METTL16: variants seen among roughly 807,000 people sequenced by gnomAD.
METTL16 encodes the protein RNA N(6)-adenosine-methyltransferase METTL16.
Under a neutral mutation model 57.9 loss-of-function variants are expected in METTL16, and 19 were observed. The ratio of observed to expected loss-of-function variants is 0.33; its 90% CI spans 0.23 to 0.48. The LOEUF (loss-of-function observed/expected upper bound fraction) is 0.48. Among genes scored for constraint, METTL16 ranks in the 20% least tolerant of loss-of-function variants. METTL16 has a pLI of 0.99. For synonymous variants in METTL16, 246 were observed against 255.6 expected (o/e 0.96, Z 0.36); for missense variants, 434 against 691.5 (o/e 0.63, Z 4.18).
rs567978895 is a variant in METTL16 at position 2,485,547 on chromosome 17, T to G, written c.129-7662A>C. 1.1e-4 allele frequency among the ~76,000 whole-genome samples: 16 copies of G among 152,314 alleles called. No homozygotes were observed. The South Asian group carries it at 3.1e-3, about 30-fold the overall frequency. ...GAATTGTAAAGAAAGTTGGGGTACTTGGCTACTCTACTTTTAAAAGTGAAA... is the reference window on the plus strand; with the variant it reads ...GAATTGTAAAGAAAGTTGGGGTACTGGGCTACTCTACTTTTAAAAGTGAAA... On this transcript the variant is annotated intron_variant, in intron 2 of 9. Transcript: ENST00000263092.
intron 6 of METTL16, among the ~76,000 whole-genome samples, chr17:2,454,286 A>G (rs1382171363): frequency 6.6e-6 from 1 of 152,156 alleles, no homozygotes; most frequent in Non-Finnish European, 1.5e-5. Flanking sequence ...GAAAAACAGG[A>G]AAGCAGAGGT....
chr17:2,482,454 A>G (rs973778460), intron 2 of METTL16, among the ~76,000 whole-genome samples: 1 of 152,212 alleles, frequency 6.6e-6, no homozygotes, highest in African/African-American at 2.4e-5. Context: ...GCTACATAAT[A>G]AAATGTAAGT....
Position 2,444,888 on chromosome 17 carries a change from G to A in METTL16, c.729-3329C>T, listed in dbSNP as rs1055082158. Among the ~76,000 whole-genome samples the A allele has an allele frequency of 2.6e-5, 4 of 151,878 alleles. No individual in the cohort carries two copies. In the East Asian group the frequency reaches 7.7e-4, roughly 29 times the overall value. ...CCTCCACCACTCCCAGCTAATTTTTGTATTTTTAGTAGTGACAGGGTTTCA... is the reference window on the plus strand; with the variant it reads ...CCTCCACCACTCCCAGCTAATTTTTATATTTTTAGTAGTGACAGGGTTTCA... On this transcript the variant is annotated intron_variant, in intron 6 of 9. Coordinates refer to ENST00000263092, the MANE Select transcript of METTL16 (RefSeq NM_024086.4).
intron 6 of METTL16, among the ~76,000 whole-genome samples, chr17:2,461,938 G>T (rs1285850114): frequency 6.6e-6 from 1 of 152,112 alleles, no homozygotes; most frequent in Admixed American, 6.6e-5. Context: ...AGACAGAAAA[G>T]AGGACAATAC....
At chr17:2,423,542 G>C (rs145787103) in intron 8 of METTL16, among the ~76,000 whole-genome samples, 1 of 152,080 alleles carries the variant, frequency 6.6e-6, no homozygotes, top group Non-Finnish European at 1.5e-5. Flanking sequence ...GTATTAAGCC[G>C]GTGTGTGGGA....
intron 1 of METTL16, among the ~76,000 whole-genome samples, chr17:2,507,775 T>C (rs866499388): frequency 2.0e-5 from 3 of 152,234 alleles, no homozygotes; most frequent in Non-Finnish European, 2.9e-5. Flanking sequence ...CATTTTGTTC[T>C]GTACTAAGAA....
chr17:2,428,983 C>T (rs903295688), intron 8 of METTL16, among the ~76,000 whole-genome samples: 2 of 151,940 alleles, frequency 1.3e-5, no homozygotes, highest in South Asian at 2.1e-4. Flanking sequence ...CTCAGCCTCC[C>T]GAGTAGCTGG....
At chr17:2,423,636 G>A (rs1165042744) in intron 8 of METTL16, among the ~76,000 whole-genome samples, 5 of 151,946 alleles carry the variant, frequency 3.3e-5, no homozygotes, top group Admixed American at 1.3e-4. Context: ...CTGCAACCTG[G>A]CCCTCCCTGC....
chr17:2,468,344 A>G lies in METTL16; in HGVS notation c.470-468T>C, dbSNP rs143095996. ...TATAGGCTGCATTTTAAGGACACTC[A>G]AATAGCTTCATGGAGAGATCCACAT... On this transcript the variant is annotated intron_variant, in intron 4 of 9. Coordinates refer to ENST00000263092, the MANE Select transcript of METTL16 (RefSeq NM_024086.4). Among the ~76,000 whole-genome samples, 899 of 152,310 alleles carry G rather than the reference A, an allele frequency of 5.9e-3. 4 individuals carry two copies. The highest frequency in any genetic ancestry group is 9.0e-3 in the Non-Finnish European group (613 of 68,012).
intron 5 of METTL16, among the ~76,000 whole-genome samples, chr17:2,467,334 C>T (rs1032440425): frequency 1.3e-5 from 2 of 152,120 alleles, no homozygotes; most frequent in African/African-American, 2.4e-5. Flanking sequence ...AGCAACACAG[C>T]GAGACCTCAT....
intron 6 of METTL16, among the ~76,000 whole-genome samples, chr17:2,459,669 G>A (rs2067135327): frequency 6.6e-6 from 1 of 152,178 alleles, no homozygotes; most frequent in South Asian, 2.1e-4. Context: ...TGAAATGTGA[G>A]TCACACGGTT....
intron 7 of METTL16, among the ~76,000 whole-genome samples, chr17:2,438,601 A>G (rs2066924970): frequency 6.6e-6 from 1 of 152,092 alleles, no homozygotes; most frequent in Non-Finnish European, 1.5e-5. Context: ...TCCCAGATTC[A>G]AGCAATTCTC....
intron 6 of METTL16, among the ~76,000 whole-genome samples, chr17:2,448,805 A>AAAAAAAAAAAAAAAAAAAT (rs2067044678): frequency 9.6e-6 from 1 of 104,564 alleles, no homozygotes; most frequent in Non-Finnish European, 2.0e-5. Flanking sequence ...TAAAATTTAA[A>AAAAAAAAAAAAAAAAAAAT]AAAAAAAAAA....
At position 2,420,082 on chromosome 17, in the gene METTL16, A is replaced by G. The variant is rs929791627; in HGVS notation, c.1577T>C (p.Val526Ala). 1 of 1,614,088 alleles carries G rather than the reference A, an allele frequency of 6.2e-7. No homozygotes were observed. Among genetic ancestry groups the G allele is most frequent in the Admixed American group, 1.7e-5 (1 of 60,006 alleles). Residue 526 changes from valine to alanine, a missense_variant, in exon 10 of 10, where the codon GTG becomes GCG. Transcript: ENST00000263092. The surrounding 1 kb of genome is among the most constrained non-coding windows in gnomAD (Gnocchi z 5.4). ...GTGCATCTCCACTAAGGCATCGTCC[A>G]CCTCCTTCTTAACGTTTATCAAACA... is the stretch of plus-strand genomic sequence containing the variant. The part of the protein sequence containing the change: ...FKCLINVKKE[V>A]DDALVEMHWV...
At chr17:2,486,002 G>A (rs1290867824) in intron 2 of METTL16, among the ~76,000 whole-genome samples, 5 of 152,220 alleles carry the variant, frequency 3.3e-5, no homozygotes, top group South Asian at 2.1e-4. Context: ...GGAAGGGAAC[G>A]TGGCATTCTA....
At chr17:2,451,484 G>A (rs2067069259) in intron 6 of METTL16, among the ~76,000 whole-genome samples, 2 of 152,116 alleles carry the variant, frequency 1.3e-5, no homozygotes, top group Non-Finnish European at 2.9e-5. Context: ...TAGCTGGTGT[G>A]GTGGTGCGCA....
At chr17:2,503,820 C>T (rs566750455) in intron 1 of METTL16, among the ~76,000 whole-genome samples, 7 of 151,102 alleles carry the variant, frequency 4.6e-5, no homozygotes, top group Middle Eastern at 6.8e-3. Context: ...CAACAAAATA[C>T]GGTATATCCA....
intron 8 of METTL16, chr17:2,436,848 CA>C (rs2066912060): frequency 6.8e-6 from 1 of 147,972 alleles, no homozygotes; most frequent in African/African-American, 2.5e-5. Context: ...GCACTGAGGA[CA>C]AAGAGACATC....
chr17:2,448,036 AG>A (rs2067024508), intron 6 of METTL16, among the ~76,000 whole-genome samples: 1 of 63,326 alleles, frequency 1.6e-5, no homozygotes, highest in Non-Finnish European at 3.0e-5. Flanking sequence ...GGAAGTGAGG[AG>A]CCCCTCTGCC....
Sources: allele counts gnomAD v4.1 joint callset (sites outside exome capture counted in the v4.1 genomes callset), GRCh38; gene constraint gnomAD v4.1.1; non-coding constraint Gnocchi (gnomAD v3.1); transcripts MANE v1.5; gene names NCBI Gene and HGNC (gene_info 2026-07-23, HGNC 2026-07-21).